Variants in LYPD6 observed in about 807,000 individuals in gnomAD.
LYPD6 encodes LY6/PLAUR domain containing 6, also known as ly6/PLAUR domain-containing protein 6.
A neutral mutation model predicts 22.7 loss-of-function variants in LYPD6; 15 were observed. That is an observed-to-expected ratio of 0.66 (90% CI 0.44 to 1.02). The LOEUF is 1.02. LYPD6 is among the 50% of genes least tolerant of loss of function. LYPD6 has a pLI of 0.00. For synonymous variants in LYPD6, 72 were observed against 77.5 expected (o/e 0.93, Z 0.37); for missense variants, 189 against 208.4 (o/e 0.91, Z 0.57).
chr2:149,443,618 T>G (rs1349442465), intron 2 of LYPD6, among the ~76,000 whole-genome samples: 1 of 152,242 alleles, frequency 6.6e-6, no homozygotes. Context: ...GAAACTATTT[T>G]TTAATGTATC....
intron 1 of LYPD6, among the ~76,000 whole-genome samples, chr2:149,331,049 A>C (rs1237845581): frequency 6.6e-6 from 1 of 152,172 alleles, no homozygotes; most frequent in African/African-American, 2.4e-5. Flanking sequence ...GGAGTAATTC[A>C]GCATCTTCTC....
At chr2:149,483,459 C>T in the LYPD6 span, among the ~76,000 whole-genome samples, 9 of 146,682 alleles carry the variant, frequency 6.1e-5, no homozygotes, top group East Asian at 1.9e-4. Context: ...TCTCTCCTTC[C>T]GCTCTCTTTC....
intron 3 of LYPD6, among the ~76,000 whole-genome samples, chr2:149,467,635 C>T (rs117262316): frequency 0.013 from 1,933 of 152,158 alleles, 74 homozygotes; most frequent in East Asian, 0.092. Flanking sequence ...GTCATAATTC[C>T]ATATTAGCCA....
chr2:149,413,961 G>A (rs1682908260), intron 1 of LYPD6, among the ~76,000 whole-genome samples: 1 of 152,206 alleles, frequency 6.6e-6, no homozygotes, highest in Non-Finnish European at 1.5e-5. Flanking sequence ...ATAAGTTAGG[G>A]ATACTGGCCA....
chr2:149,460,887 AG>A (rs1681072547), intron 3 of LYPD6, among the ~76,000 whole-genome samples: 2 of 152,140 alleles, frequency 1.3e-5, no homozygotes, highest in Non-Finnish European at 2.9e-5. Context: ...AATAATCCAC[AG>A]ATCAAAGATA....
chr2:149,437,245 A>G (rs1428917484), intron 1 of LYPD6, among the ~76,000 whole-genome samples: 1 of 152,152 alleles, frequency 6.6e-6, no homozygotes, highest in Non-Finnish European at 1.5e-5. Context: ...GTGGCCCAGT[A>G]TGGCTGAACT....
chr2:149,358,644 A>G (rs1681513627), intron 1 of LYPD6, among the ~76,000 whole-genome samples: 1 of 152,136 alleles, frequency 6.6e-6, no homozygotes, highest in East Asian at 1.9e-4. Flanking sequence ...CTAATCAGAG[A>G]TGAATATGCA....
chr2:149,334,018 A>G (rs1359751409), intron 1 of LYPD6, among the ~76,000 whole-genome samples: 15 of 152,192 alleles, frequency 9.9e-5, no homozygotes, highest in Admixed American at 9.8e-4. Flanking sequence ...GAAGCATACG[A>G]ATTACCTTAT....
chr2:149,357,140 C>G (rs913083096), intron 1 of LYPD6, among the ~76,000 whole-genome samples: 5 of 152,176 alleles, frequency 3.3e-5, no homozygotes, highest in Non-Finnish European at 5.9e-5. Context: ...GAATTTTAAG[C>G]CTTGTATTTT....
chr2:149,446,988 G>T (rs181011403), intron 2 of LYPD6, among the ~76,000 whole-genome samples: 1 of 152,088 alleles, frequency 6.6e-6, no homozygotes, highest in African/African-American at 2.4e-5. Context: ...GATTATTTCC[G>T]CCAGTGGGAT....
At chr2:149,382,611 C>T (rs994563920) in intron 1 of LYPD6, among the ~76,000 whole-genome samples, 1 of 152,110 alleles carries the variant, frequency 6.6e-6, no homozygotes, top group Non-Finnish European at 1.5e-5. Context: ...ACTCTCTATA[C>T]CATAAATCAC....
rs371821027 is a variant in LYPD6, at chr2:149,433,534, A to G, written c.-71-4104A>G. On this transcript the variant is annotated intron_variant, in intron 1 of 4. Coordinates refer to ENST00000334166, the MANE Select transcript of LYPD6 (RefSeq NM_194317.5). Reference sequence around the variant, plus strand: ...TCCTGGCTGCAAAGCAGGAACTTTGATTGTTTTCTCATGAGGCACCCTGCT... The same window carrying G: ...TCCTGGCTGCAAAGCAGGAACTTTGGTTGTTTTCTCATGAGGCACCCTGCT... Among the ~76,000 whole-genome samples the G allele has an allele frequency of 5.1e-4, 77 of 152,234 alleles. 1 individual carries two copies. Among genetic ancestry groups the G allele is most frequent in the African/African-American group, 1.8e-3 (76 of 41,552 alleles).
intron 1 of LYPD6, among the ~76,000 whole-genome samples, chr2:149,416,402 G>A (rs774348017): frequency 2.0e-5 from 3 of 152,112 alleles, no homozygotes; most frequent in Non-Finnish European, 4.4e-5. Flanking sequence ...GTATCAGGAG[G>A]CACCCACATG....
At chr2:149,453,213 A>G (rs1420169948) in intron 3 of LYPD6, among the ~76,000 whole-genome samples, 2 of 152,242 alleles carry the variant, frequency 1.3e-5, no homozygotes, top group African/African-American at 4.8e-5. Context: ...TTAGGAGCCA[A>G]TTGAAGGAAC....
intron 1 of LYPD6, among the ~76,000 whole-genome samples, chr2:149,407,148 C>G (rs1682733376): frequency 6.6e-6 from 1 of 152,226 alleles, no homozygotes; most frequent in Non-Finnish European, 1.5e-5. Flanking sequence ...CGACCGTTCT[C>G]TCTGGCTGCC....
At chr2:149,356,422 G>A (rs938595264) in intron 1 of LYPD6, among the ~76,000 whole-genome samples, 10 of 152,104 alleles carry the variant, frequency 6.6e-5, no homozygotes, top group African/African-American at 2.2e-4. Context: ...TCAAACACAC[G>A]AGATGTTTTC....
intron 1 of LYPD6, among the ~76,000 whole-genome samples, chr2:149,335,799 A>G (rs1681024214): frequency 6.6e-6 from 1 of 152,134 alleles, no homozygotes; most frequent in Non-Finnish European, 1.5e-5. Context: ...ACACATACTT[A>G]CTATTGTGTT....
chr2:149,360,567 G>A (rs888904029), intron 1 of LYPD6, among the ~76,000 whole-genome samples: 3 of 150,798 alleles, frequency 2.0e-5, no homozygotes, highest in African/African-American at 7.3e-5. Context: ...ATCTATCTTT[G>A]CTTCTATTTC....
At chr2:149,464,063 CCTTA>C (rs2105177649) in intron 3 of LYPD6, 1 of 400,846 alleles carries the variant, frequency 2.5e-6, no homozygotes, top group Non-Finnish European at 4.9e-6. Context: ...TATTAATATT[CCTTA>C]CAAATGCATG....
Sources: gnomAD v4.1 joint callset for allele counts (sites outside exome capture counted in the v4.1 genomes callset) on GRCh38, gnomAD v4.1.1 for gene constraint, MANE v1.5 for transcripts, NCBI Gene and HGNC (gene_info 2026-07-23, HGNC 2026-07-21) for gene names.